Variants in IRAK1 observed in about 807,000 individuals in gnomAD.
IRAK1 encodes interleukin 1 receptor associated kinase 1, also known as interleukin-1 receptor-associated kinase 1.
Under a neutral mutation model 49.8 loss-of-function variants are expected in IRAK1, and 9 were observed. That is an observed-to-expected ratio of 0.18 (90% CI 0.11 to 0.32). The LOEUF (loss-of-function observed/expected upper bound fraction) is 0.32. Ranked by LOEUF, IRAK1 falls within the 10% of genes least tolerant of loss-of-function variation. IRAK1 has a pLI of 1.00. For synonymous variants in IRAK1, 282 were observed against 270.8 expected (o/e 1.04, Z -0.41); for missense variants, 418 against 600.5 (o/e 0.70, Z 3.18).
rs2065759131 is a variant in IRAK1 at position 154,018,799 on chromosome X, G to C, written c.541-12C>G. 1 of 794,728 alleles carries C rather than the reference G, an allele frequency of 1.3e-6. No individual in the cohort carries two copies. Among genetic ancestry groups the C allele is most frequent in the African/African-American group, 2.0e-5 (1 of 50,110 alleles). The allele number at this position is 794,728 out of a possible 1,213,427, so 65.5% of individuals were successfully genotyped here. A position where few individuals can be genotyped will look rare whatever the true frequency, so the allele number is the denominator to read the frequency against. ...CTCTCTGGGCCTGGCTGTGGGAAGA[G>C]AGCCTGGATCAGGTGGGGTCCCTGT... On this transcript the variant is annotated splice_polypyrimidine_tract_variant and intron_variant, in intron 4 of 13. Coordinates refer to ENST00000369980, the MANE Select transcript of IRAK1 (RefSeq NM_001569.4).
chrX:154,011,648 T>C lies in IRAK1; in HGVS notation c.*211A>G, dbSNP rs781966531. On this transcript the variant is annotated 3_prime_UTR_variant, in exon 14 of 14. Coordinates refer to ENST00000369980, the MANE Select transcript of IRAK1 (RefSeq NM_001569.4). The stretch of plus-strand genomic sequence containing the variant: ...CCTCACTGGATGATGCCAGCCTTCC[T>C]TGCCCCCAGATGCTGGCATGGAGGC... 3.2e-4 allele frequency: 157 copies of C among 494,529 alleles called. 1 individual carries two copies. The South Asian group carries it at 3.9e-3, about 12-fold the overall frequency. 40.8% of individuals were successfully genotyped at this position (494,529 alleles called of 1,213,427 possible).
rs1199100002 is a variant in IRAK1 at position 154,011,188 on chromosome X, G to T, written c.*671C>A. On this transcript the variant is annotated 3_prime_UTR_variant, in exon 14 of 14. Coordinates refer to ENST00000369980, the MANE Select transcript of IRAK1 (RefSeq NM_001569.4). ...CAGCCTCGACCTCCCAAGCATAAATGATCCTCCTACTTCAGCCTCCCCAGC... is the reference window on the plus strand; with the variant it reads ...CAGCCTCGACCTCCCAAGCATAAATTATCCTCCTACTTCAGCCTCCCCAGC... 6.4e-6 allele frequency: 2 copies of T among 312,430 alleles called. No individual in the cohort carries two copies. The highest frequency in any genetic ancestry group is 5.4e-5 in the African/African-American group (2 of 37,338). The allele number at this position is 312,430 out of a possible 1,213,427, so 25.7% of individuals were successfully genotyped here. A position where few individuals can be genotyped will look rare whatever the true frequency, so the allele number is the denominator to read the frequency against.
chrX:154,013,474 C>G lies in IRAK1; in HGVS notation c.1540-41G>C, dbSNP rs923501483. ...AGGGACTCTCAGGGTGAGATGGCAG[C>G]CCTGGCCGGTCACCCCGTGGGCAAA... On this transcript the variant is annotated intron_variant, in intron 11 of 13. Coordinates refer to ENST00000369980, the MANE Select transcript of IRAK1 (RefSeq NM_001569.4). The G allele has an allele frequency of 3.5e-6, 4 of 1,135,496 alleles. No individual in the cohort carries two copies. In the African/African-American group the frequency reaches 7.3e-5, roughly 21 times the overall value. 93.6% of individuals were successfully genotyped at this position (1,135,496 alleles called of 1,213,427 possible).
rs782783617 is a variant in IRAK1, at chrX:154,016,056, C to G, written c.1278G>C (p.Thr426=). The change falls in exon 10 of 14, where the codon ACG becomes ACC. Residue 426 remains threonine, a synonymous_variant. Coordinates refer to ENST00000369980, the MANE Select transcript of IRAK1 (RefSeq NM_001569.4). ...ETLAGQRAVK[T]HGARTKYLKD... is the part of the protein sequence containing the mutation. The stretch of plus-strand genomic sequence containing the variant: ...CCAGATACTTGGTCCTGGCACCGTG[C>G]GTCTTCACAGCCCTCTGACCAGCCA... 1 of 1,210,111 alleles carries G rather than the reference C, an allele frequency of 8.3e-7. No individual in the cohort carries two copies. The highest frequency in any genetic ancestry group is 1.8e-5 in the South Asian group (1 of 56,998).
At position 154,011,501 on chromosome X, in the gene IRAK1, G is replaced by A; in HGVS notation, c.*358C>T. On this transcript the variant is annotated 3_prime_UTR_variant, in exon 14 of 14. Transcript: ENST00000369980. ...CAAAGAGCTGCTGCCAGAGGCCTGG[G>A]CTGCAGACGCCCTGCATGGCTCTCA... The A allele has an allele frequency of 3.1e-6, 1 of 319,678 alleles. No homozygotes were observed. Among genetic ancestry groups the A allele is most frequent in the South Asian group, 3.6e-5 (1 of 27,531 alleles). The allele number at this position is 319,678 out of a possible 1,213,427, so 26.3% of individuals were successfully genotyped here. A position where few individuals can be genotyped will look rare whatever the true frequency, so the allele number is the denominator to read the frequency against.
At position 154,013,108 on chromosome X, in the gene IRAK1, T is replaced by C; in HGVS notation, c.1865A>G (p.Gln622Arg). ...GCTCGATTCTCCTGCCGTGTCCCCC[T>C]GAGGACAGCCGGCCTCCCTGAGGGG... ...PAPLREAGCPQGDTAGESSWG... is the reference protein window; with the variant it reads ...PAPLREAGCPRGDTAGESSWG... Residue 622 changes from glutamine (Q) to arginine (R), a missense_variant, in exon 12 of 14, where the codon CAG becomes CGG. This residue lies in a region of IRAK1 where 377 missense variants were observed against 499.5 expected (regional missense o/e 0.75). Transcript: ENST00000369980. 1 of 1,209,768 alleles carries C rather than the reference T, an allele frequency of 8.3e-7. No homozygotes were observed.
Position 154,014,044 on chromosome X carries a change from G to T in IRAK1, c.1537C>A (p.Gln513Lys). The T allele has an allele frequency of 8.4e-7, 1 of 1,196,174 alleles. No homozygotes were observed. ...RRAKRRPPMT[Q>K]VYERLEKLQA... The stretch of plus-strand genomic sequence containing the variant: ...CGTCCCAGTGCGCAGCTGGCTACCT[G>T]GGTCATAGGAGGCCTCCTTTTGGCC... Residue 513 changes from glutamine (Q) to lysine (K), a missense_variant and splice_region_variant, in exon 11 of 14, where the codon CAG becomes AAG. Around this residue, in one of 3 missense-constraint regions of IRAK1, gnomAD observed 377 missense variants for 499.5 expected, o/e 0.75. Transcript: ENST00000369980.
intron 10 of IRAK1, among the ~76,000 whole-genome samples, chrX:154,014,990 C>T (rs1376802587): frequency 9.0e-6 from 1 of 111,069 alleles, no homozygotes. Context: ...AGAGGCGCCC[C>T]GCAGAGAGGC....
rs1269025751 is a variant in IRAK1, at chrX:154,011,015, C to G, written c.*844G>C. 2.9e-6 allele frequency: 1 copy of G among 341,386 alleles called. No homozygotes were observed. The highest frequency in any genetic ancestry group is 3.1e-5 in the Admixed American group (1 of 32,109). The allele number at this position is 341,386 out of a possible 1,213,427, so 28.1% of individuals were successfully genotyped here. On this transcript the variant is annotated 3_prime_UTR_variant, in exon 14 of 14. Coordinates refer to ENST00000369980, the MANE Select transcript of IRAK1 (RefSeq NM_001569.4). ...TTGGAGGTGGGTGCTGCTCGACTTT[C>G]TGGAGGATCTCAGAATTCTCGCTTC...
chrX:154,013,638 A>G (rs781889502), intron 11 of IRAK1, among the ~76,000 whole-genome samples: 1 of 112,958 alleles, frequency 8.9e-6, no homozygotes, highest in Admixed American at 9.3e-5. Flanking sequence ...AAAAGCAAGG[A>G]CTGAGAATGG....
Position 154,011,169 on chromosome X carries a change from C to T in IRAK1, c.*690G>A. ...ATACAATCATGACTCACTGCAGCCT[C>T]GACCTCCCAAGCATAAATGATCCTC... is the stretch of plus-strand genomic sequence containing the variant. On this transcript the variant is annotated 3_prime_UTR_variant, in exon 14 of 14. Transcript: ENST00000369980. The T allele has an allele frequency of 3.1e-6, 1 of 322,192 alleles. No homozygotes were observed. The highest frequency in any genetic ancestry group is 9.9e-5 in the East Asian group (1 of 10,126). The allele number at this position is 322,192 out of a possible 1,213,427, so 26.6% of individuals were successfully genotyped here. A position where few individuals can be genotyped will look rare whatever the true frequency, so the allele number is the denominator to read the frequency against.
chrX:154,014,429 C>T, intron 10 of IRAK1, 151 bp from the exon 11 acceptor site: 1 of 568,932 alleles, frequency 1.8e-6, no homozygotes, highest in South Asian at 3.1e-5. Context: ...TGGCTGGTCT[C>T]CAAGTAGGCT....
chrX:154,018,737 C>T lies in IRAK1; in HGVS notation c.591G>A (p.Pro197=), dbSNP rs139907526. 6.7e-4 allele frequency: 678 copies of T among 1,007,161 alleles called. 3 individuals carry two copies. In the African/African-American group the frequency reaches 0.012, roughly 17 times the overall value. 83.0% of individuals were successfully genotyped at this position (1,007,161 alleles called of 1,213,427 possible). A position where few individuals can be genotyped will look rare whatever the true frequency, so the allele number is the denominator to read the frequency against. ...VSLLQGARPF[P]FCWPLCEISR... ...AAATCTCACAGAGGGGCCAGCAAAA[C>T]GGAAAGGGGCGGGCTCCCTGCAGGA... is the stretch of plus-strand genomic sequence containing the variant. The change falls in exon 5 of 14, where the codon CCG becomes CCA. Residue 197 remains proline, a synonymous_variant. Transcript: ENST00000369980.
rs781873339 is a variant in IRAK1 at position 154,012,647 on chromosome X, C to T, written c.1962G>A (p.Ser654=). 1.4e-5 allele frequency: 17 copies of T among 1,210,238 alleles called. No homozygotes were observed. The highest frequency in any genetic ancestry group is 1.1e-4 in the Admixed American group (5 of 45,920). The stretch of plus-strand genomic sequence containing the variant: ...TGATGATAATCTGCGGTGGCTCTGA[C>T]GACGATGATGCAGAGCTGCCAAGGG... ...GLALGSSASS[S]SEPPQIIINP... is the part of the protein sequence containing the mutation. Residue 654 remains serine (S), a synonymous_variant, in exon 13 of 14, where the codon TCG becomes TCA. Transcript: ENST00000369980.
Position 154,012,535 on chromosome X carries a change from G to A in IRAK1, c.2074C>T (p.Leu692Phe), listed in dbSNP as rs149773870. Residue 692 changes from leucine to phenylalanine, a missense_variant, in exon 13 of 14, where the codon CTC becomes TTC. Coordinates refer to ENST00000369980, the MANE Select transcript of IRAK1 (RefSeq NM_001569.4). ...DSLQLLSSSSLPGLGLEQDRQ... is the reference protein window; with the variant it reads ...DSLQLLSSSSFPGLGLEQDRQ... ...CCAGCCTGGGCGGCAGCACCTGGGA[G>A]GGAGCTGGACGACAGCAGCTGCAGG... 1 of 1,208,588 alleles carries A rather than the reference G, an allele frequency of 8.3e-7. No homozygotes were observed. Among genetic ancestry groups the A allele is most frequent in the Admixed American group, 2.2e-5 (1 of 45,834 alleles).
rs1340060640 is a variant in IRAK1 at position 154,019,065 on chromosome X, G to A, written c.450C>T (p.Ser150=). ...STFLSPAFPG[S]QTHSGPELGL... ...CGAGCTCAGGCCCTGAATGGGTCTG[G>A]GAGCCTGGAAAAGCTTCATAAAGAC... The change falls in exon 4 of 14, where the codon TCC becomes TCT. Residue 150 remains serine, a synonymous_variant. Coordinates refer to ENST00000369980, the MANE Select transcript of IRAK1 (RefSeq NM_001569.4). 2 of 1,208,547 alleles carry A rather than the reference G, an allele frequency of 1.7e-6. No homozygotes were observed. The highest frequency in any genetic ancestry group is 2.2e-6 in the Non-Finnish European group (2 of 893,652).
chrX:154,019,850 C>G lies in IRAK1; in HGVS notation c.-38G>C. On this transcript the variant is annotated 5_prime_UTR_variant, in exon 1 of 14. Coordinates refer to ENST00000369980, the MANE Select transcript of IRAK1 (RefSeq NM_001569.4). ...CGGGCCGGGACCTGCCGGGGCCTCT[C>G]AGGGCCGCGGCGGGCGCGGGCCTGG... The G allele has an allele frequency of 1.3e-6, 1 of 753,679 alleles. No homozygotes were observed. The highest frequency in any genetic ancestry group is 1.6e-6 in the Non-Finnish European group (1 of 633,850). The allele number at this position is 753,679 out of a possible 1,213,427, so 62.1% of individuals were successfully genotyped here.
chrX:154,018,108 T>C lies in IRAK1; in HGVS notation c.807A>G (p.Pro269=). 1 of 1,206,021 alleles carries C rather than the reference T, an allele frequency of 8.3e-7. No individual in the cohort carries two copies. Among genetic ancestry groups the C allele is most frequent in the African/African-American group, 1.7e-5 (1 of 57,872 alleles). ...AGTAGCCAGCAAAGTCCACAATGTT[T>C]GGGTGACGAAACCTGTTTGAAAAAG... The part of the protein sequence containing the change: ...EVEQLSRFRH[P]NIVDFAGYCA... The change falls in exon 7 of 14, where the codon CCA becomes CCG. Residue 269 remains proline (P), a synonymous_variant. Transcript: ENST00000369980.
chrX:154,010,662 G>A lies in IRAK1; in HGVS notation c.*1197C>T, dbSNP rs959013757. The A allele has an allele frequency of 1.8e-5, 4 of 217,022 alleles. No individual in the cohort carries two copies. Among genetic ancestry groups the A allele is most frequent in the Non-Finnish European group, 3.5e-5 (4 of 113,326 alleles). The allele number at this position is 217,022 out of a possible 1,213,427, so 17.9% of individuals were successfully genotyped here. A position where few individuals can be genotyped will look rare whatever the true frequency, so the allele number is the denominator to read the frequency against. On this transcript the variant is annotated 3_prime_UTR_variant, in exon 14 of 14. Transcript: ENST00000369980. ...TTTTGGACACGCAAGAGGACACTCGGTTACATGAAACCTGACTTGCTTCTG... is the reference window on the plus strand; with the variant it reads ...TTTTGGACACGCAAGAGGACACTCGATTACATGAAACCTGACTTGCTTCTG...
Sources: gnomAD v4.1 joint callset for allele counts (sites outside exome capture counted in the v4.1 genomes callset) on GRCh38, gnomAD v4.1.1 for gene constraint, gnomAD v4.1.1 regional missense constraint, MANE v1.5 for transcripts, NCBI Gene and HGNC (gene_info 2026-07-23, HGNC 2026-07-21) for gene names.